The following RYR3 variants were observed in gnomAD, a reference collection of about 807,000 sequenced individuals.
RYR3 encodes brain ryanodine receptor-calcium release channel.
In RYR3, 207 loss-of-function variants were observed where a neutral mutation model predicts 584.3. That is an observed-to-expected ratio of 0.35 (90% CI 0.32 to 0.40). The LOEUF is 0.40. RYR3 is among the 10% of genes least tolerant of loss of function. The probability of loss-of-function intolerance (pLI) is 1.00; values close to 1 mark genes in which losing one functional copy is unlikely to be tolerated. For missense variants in RYR3, 5,616 were observed against 6,089.2 expected (o/e 0.92, Z 2.59); for synonymous variants, 2,416 against 2,248.5 (o/e 1.07, Z -2.11).
At chr15:33,591,343 T>A (rs1192550066) in intron 16 of RYR3, among the ~76,000 whole-genome samples, 1 of 152,254 alleles carries the variant, frequency 6.6e-6, no homozygotes, top group East Asian at 1.9e-4. Flanking sequence ...TTCACATCTA[T>A]TTCTCTTACA....
chr15:33,648,778 C>T (rs1381476842), intron 30 of RYR3, among the ~76,000 whole-genome samples: 1 of 152,220 alleles, frequency 6.6e-6, no homozygotes, highest in Non-Finnish European at 1.5e-5. Flanking sequence ...CTTCCATCCA[C>T]AGCATCTCCT....
chr15:33,511,363 G>A (rs2052987694), intron 3 of RYR3, among the ~76,000 whole-genome samples: 1 of 143,648 alleles, frequency 7.0e-6, no homozygotes, highest in African/African-American at 2.6e-5. Flanking sequence ...TCTTTAGTAA[G>A]CATCAGTAGA....
chr15:33,477,902 A>T (rs1187487422), intron 2 of RYR3, among the ~76,000 whole-genome samples: 1 of 81,190 alleles, frequency 1.2e-5, no homozygotes, highest in Non-Finnish European at 2.9e-5. Flanking sequence ...AAAAAAAAAA[A>T]AAAAGACTAG....
At position 33,826,229 on chromosome 15, in the gene RYR3, T is replaced by C. The variant is rs775165540; in HGVS notation, c.11147-23T>C. On this transcript the variant is annotated intron_variant, in intron 82 of 103. Coordinates refer to ENST00000634891, the MANE Select transcript of RYR3 (RefSeq NM_001036.6). ...TTTACAGTTTTCTTACTTTCTATTCTTCTGTTTTTCTCTCATTACCAGTCA... is the reference window on the plus strand; with the variant it reads ...TTTACAGTTTTCTTACTTTCTATTCCTCTGTTTTTCTCTCATTACCAGTCA... 8 of 1,612,598 alleles carry C rather than the reference T, an allele frequency of 5.0e-6. No homozygotes were observed. In the Admixed American group the frequency reaches 1.3e-4, roughly 27 times the overall value.
intron 57 of RYR3, among the ~76,000 whole-genome samples, chr15:33,751,355 T>C (rs1445395471): frequency 2.6e-5 from 4 of 152,206 alleles, no homozygotes; most frequent in Non-Finnish European, 5.9e-5. Flanking sequence ...CCACCAACAG[T>C]GTAAAAGTAT....
chr15:33,503,495 AGC>A, intron 2 of RYR3, 134 bp from the exon 3 acceptor site: 1 of 614,788 alleles, frequency 1.6e-6, no homozygotes, highest in African/African-American at 1.8e-5. Flanking sequence ...AACAGGAGAA[AGC>A]CACCTTTTTG....
At chr15:33,605,759 G>T (rs2059875462) in intron 18 of RYR3, among the ~76,000 whole-genome samples, 1 of 152,172 alleles carries the variant, frequency 6.6e-6, no homozygotes, top group Non-Finnish European at 1.5e-5. Context: ...TAAAGTTTCT[G>T]TTGATGTCCC....
intron 93 of RYR3, among the ~76,000 whole-genome samples, chr15:33,845,708 AGAGCTAGTCAT>A (rs1451360333): frequency 2.0e-5 from 3 of 152,210 alleles, no homozygotes; most frequent in Admixed American, 2.0e-4. Flanking sequence ...AGTCACATGG[AGAGCTAGTCAT>A]GACAGAATCT....
intron 36 of RYR3, among the ~76,000 whole-genome samples, chr15:33,664,595 A>G (rs1385350935): frequency 8.1e-5 from 10 of 123,832 alleles, no homozygotes; most frequent in South Asian, 2.7e-4. Flanking sequence ...GTGTGTATAT[A>G]TATATATATA....
chr15:33,387,349 GAAGT>G (rs2041676221), intron 1 of RYR3, among the ~76,000 whole-genome samples: 2 of 152,170 alleles, frequency 1.3e-5, no homozygotes, highest in African/African-American at 4.8e-5. Context: ...TAGATACCCA[GAAGT>G]GGACTTGCTG....
At chr15:33,863,157 A>C (rs1889091881) in intron 102 of RYR3, among the ~76,000 whole-genome samples, 1 of 152,078 alleles carries the variant, frequency 6.6e-6, no homozygotes, top group African/African-American at 2.4e-5. Flanking sequence ...TCTAGGAGCA[A>C]GCTTGAGGGG....
chr15:33,508,405 T>A (rs1296554381), intron 3 of RYR3, among the ~76,000 whole-genome samples: 3 of 152,074 alleles, frequency 2.0e-5, no homozygotes, highest in Non-Finnish European at 4.4e-5. Context: ...ATCCCAGCAC[T>A]CTGGGAGGCT....
In RYR3 at chr15:33,780,215, C is replaced by A; in HGVS notation, c.9142C>A (p.Arg3048Ser). Reference sequence around the variant, plus strand: ...AATGGACTTCTTTGTTTCCAGGCAACGCCCTGCCCTTGGAGAATGTCTGGC... The same window carrying A: ...AATGGACTTCTTTGTTTCCAGGCAAAGCCCTGCCCTTGGAGAATGTCTGGC... ...TGKNIYVERQ[R>S]PALGECLASL... Residue 3048 changes from arginine (R) to serine (S), a missense_variant, in exon 65 of 104, where the codon CGC (arginine) becomes AGC (serine). Around this residue, in one of 9 missense-constraint regions of RYR3, gnomAD observed 954 missense variants for 1,132.2 expected, o/e 0.84. Transcript: ENST00000634891. 1 of 1,613,452 alleles carries A rather than the reference C, an allele frequency of 6.2e-7. No homozygotes were observed. The highest frequency in any genetic ancestry group is 8.5e-7 in the Non-Finnish European group (1 of 1,179,578).
chr15:33,819,170 C>T (rs1260915860), intron 76 of RYR3, among the ~76,000 whole-genome samples: 28 of 152,120 alleles, frequency 1.8e-4, no homozygotes. Flanking sequence ...CCACAGCCTG[C>T]TCTTCATAAT....
intron 47 of RYR3, among the ~76,000 whole-genome samples, chr15:33,730,113 A>ATTTG (rs1555429640): frequency 2.4e-4 from 37 of 151,170 alleles, no homozygotes; most frequent in African/African-American, 9.0e-4. Flanking sequence ...ATGAATAATT[A>ATTTG]TGAATAATTA....
Position 33,635,654 on chromosome 15 carries a change from A to G in RYR3, c.3216A>G (p.Arg1072=). The change falls in exon 26 of 104, where the codon CGA becomes CGG. Residue 1072 remains arginine (R), a synonymous_variant. Coordinates refer to ENST00000634891, the MANE Select transcript of RYR3 (RefSeq NM_001036.6). ...AVEKVSIDKI[R]FFRVERSYAV... ...AGAAGGTCAGCATAGACAAGATCCG[A>G]TTTTTCCGGGTAGAGCGATCTTATG... 14 of 1,613,884 alleles carry G rather than the reference A, an allele frequency of 8.7e-6. No individual in the cohort carries two copies. Among genetic ancestry groups the G allele is most frequent in the Non-Finnish European group, 1.2e-5 (14 of 1,179,870 alleles).
chr15:33,726,567 G>C lies in RYR3; in HGVS notation c.7033+61G>C. On this transcript the variant is annotated intron_variant, in intron 46 of 103. Coordinates refer to ENST00000634891, the MANE Select transcript of RYR3 (RefSeq NM_001036.6). ...CCCAGCAGCCACTGGCTCGGGGCAG[G>C]ACTCTGTCCCCAGCACAGTGGCCCC... 2.6e-6 allele frequency: 4 copies of C among 1,510,134 alleles called. No homozygotes were observed. In the South Asian group the frequency reaches 5.2e-5, roughly 20 times the overall value. The allele number at this position is 1,510,134 out of a possible 1,614,324, so 93.5% of individuals were successfully genotyped here.
chr15:33,801,954 T>C lies in RYR3; in HGVS notation c.10004T>C (p.Met3335Thr). ...AFLTGDSKSKMSKAMQVKSGG... is the reference protein window; with the variant it reads ...AFLTGDSKSKTSKAMQVKSGG... ...TTAACTGGAGACAGCAAAAGCAAGA[T>C]GTCAAAAGTAAGTCCTTAGAAATCA... The change falls in exon 69 of 104, where the codon ATG (methionine) becomes ACG (threonine). Residue 3335 changes from methionine to threonine, a missense_variant. Transcript: ENST00000634891. 6.3e-7 allele frequency: 1 copy of C among 1,576,540 alleles called. No individual in the cohort carries two copies. The highest frequency in any genetic ancestry group is 1.1e-5 in the South Asian group (1 of 88,722).
chr15:33,748,016 C>T, intron 53 of RYR3, 98 bp from the exon 54 acceptor site: 2 of 1,126,286 alleles, frequency 1.8e-6, no homozygotes. Context: ...CTAACTAGCA[C>T]CCCCACCCAC....
Sources: gnomAD v4.1 joint callset for allele counts (sites outside exome capture counted in the v4.1 genomes callset) on GRCh38, gnomAD v4.1.1 for gene constraint, gnomAD v4.1.1 regional missense constraint, MANE v1.5 for transcripts, NCBI Gene and HGNC (gene_info 2026-07-23, HGNC 2026-07-21) for gene names.